Variants in ESRRG observed in about 807,000 individuals in gnomAD.
ESRRG encodes the protein estrogen-related receptor gamma.
ESRRG carries 13 observed loss-of-function variants against 44.0 expected under a neutral mutation model. That is an observed-to-expected ratio of 0.30 (90% CI 0.19 to 0.47). The LOEUF (loss-of-function observed/expected upper bound fraction) is 0.47. Among genes scored for constraint, ESRRG ranks in the 20% least tolerant of loss-of-function variants. The probability of loss-of-function intolerance (pLI) is 1.00; values close to 1 mark genes in which losing one functional copy is unlikely to be tolerated. For missense variants in ESRRG, 395 were observed against 580.6 expected (o/e 0.68, Z 3.29); for synonymous variants, 215 against 214.6 (o/e 1.00, Z -0.02).
intron 2 of ESRRG, among the ~76,000 whole-genome samples, chr1:216,856,352 A>AACACACACACACACACACACACAC (rs5780935): frequency 2.1e-5 from 3 of 141,888 alleles, no homozygotes; most frequent in Non-Finnish European, 1.5e-5. Flanking sequence ...TTCTCTCTTC[A>AACACACACACACACACACACACAC]ACACACACAC....
chr1:216,914,108 C>CT (rs146978478), intron 2 of ESRRG, among the ~76,000 whole-genome samples: 9,363 of 150,990 alleles, frequency 0.062, 296 homozygotes, highest in South Asian at 0.11. Context: ...TCCCCCCATC[C>CT]TTTTTTTTTA....
Position 217,036,890 on chromosome 1 carries a change from G to A in ESRRG, c.-106+52617C>T, listed in dbSNP as rs80276083. Among the ~76,000 whole-genome samples the A allele has an allele frequency of 2.4e-3, 367 of 151,936 alleles. 2 individuals are homozygous for A. The highest frequency in any genetic ancestry group is 6.8e-3 in the Middle Eastern group (2 of 292). ...GGAAACCAGCCAATCAGTCAGCAGCGTGACACTTCCCTCAAGCTGGTACTG... is the reference window on the plus strand; with the variant it reads ...GGAAACCAGCCAATCAGTCAGCAGCATGACACTTCCCTCAAGCTGGTACTG... On this transcript the variant is annotated intron_variant, in intron 1 of 7. Transcript: ENST00000359162.
At chr1:217,070,404 T>C (rs960472190) in intron 1 of ESRRG, among the ~76,000 whole-genome samples, 2 of 151,444 alleles carry the variant, frequency 1.3e-5, no homozygotes, top group African/African-American at 4.9e-5. Flanking sequence ...TTTTTTGAGA[T>C]GGAGTCTCAC....
chr1:216,679,799 G>C (rs2076741218), intron 1 of ESRRG, among the ~76,000 whole-genome samples: 1 of 151,352 alleles, frequency 6.6e-6, no homozygotes, highest in Admixed American at 6.6e-5. Context: ...AAAATTTGCA[G>C]AACTCTTGAT....
At chr1:216,813,635 T>G (rs180726768) in intron 2 of ESRRG, among the ~76,000 whole-genome samples, 5 of 152,332 alleles carry the variant, frequency 3.3e-5, no homozygotes, top group Non-Finnish European at 2.9e-5. Context: ...TTTAAGTCCA[T>G]CTGTGGCTTG....
At chr1:216,901,091 A>G (rs894890879) in intron 2 of ESRRG, among the ~76,000 whole-genome samples, 1 of 152,134 alleles carries the variant, frequency 6.6e-6, no homozygotes, top group African/African-American at 2.4e-5. Flanking sequence ...CTATGTTAAC[A>G]AAACATGATT....
At chr1:216,713,431 C>CT (rs1218552325) in intron 1 of ESRRG, among the ~76,000 whole-genome samples, 2 of 149,326 alleles carry the variant, frequency 1.3e-5, no homozygotes, top group African/African-American at 4.9e-5. Flanking sequence ...GATGCCCTAA[C>CT]TTATTTAACC....
intron 1 of ESRRG, among the ~76,000 whole-genome samples, chr1:217,070,349 A>G (rs771144663): frequency 3.3e-5 from 5 of 152,224 alleles, no homozygotes; most frequent in Non-Finnish European, 7.3e-5. Context: ...CTATATTTGC[A>G]AAAGTACAAC....
At chr1:216,718,432 T>A (rs74141644) in intron 1 of ESRRG, among the ~76,000 whole-genome samples, 2,893 of 151,928 alleles carry the variant, frequency 0.019, 91 homozygotes, top group African/African-American at 0.066. Flanking sequence ...AATAGTATAG[T>A]TCATGTATAT....
At chr1:216,899,475 A>C (rs544612567) in intron 2 of ESRRG, among the ~76,000 whole-genome samples, 5 of 152,186 alleles carry the variant, frequency 3.3e-5, no homozygotes, top group Non-Finnish European at 7.3e-5. Flanking sequence ...GGGCCACTGA[A>C]GATGAGGAAG....
At chr1:217,021,002 C>T (rs1305820706) in intron 1 of ESRRG, among the ~76,000 whole-genome samples, 3 of 151,190 alleles carry the variant, frequency 2.0e-5, no homozygotes, top group African/African-American at 7.3e-5. Flanking sequence ...GGAAACACTA[C>T]CCTTTCATAC....
At chr1:217,051,716 A>T (rs1052079242) in intron 1 of ESRRG, among the ~76,000 whole-genome samples, 2 of 152,184 alleles carry the variant, frequency 1.3e-5, no homozygotes, top group Non-Finnish European at 2.9e-5. Context: ...GAATGGCCAT[A>T]TGCAAAACAA....
intron 2 of ESRRG, chr1:216,939,551 A>T (rs563903845): frequency 6.6e-6 from 1 of 151,996 alleles, no homozygotes; most frequent in South Asian, 2.1e-4. Context: ...AAGAATGTTA[A>T]TATCTCCTAA....
intron 2 of ESRRG, among the ~76,000 whole-genome samples, chr1:216,653,796 C>T (rs1016105548): frequency 2.0e-5 from 3 of 152,000 alleles, no homozygotes; most frequent in Admixed American, 1.3e-4. Context: ...CACTAGAGGA[C>T]AATGGACATT....
At chr1:217,094,390 G>A (rs1397974721), upstream of ESRRG, among the ~76,000 whole-genome samples, 1 of 152,162 alleles carries the variant, frequency 6.6e-6, no homozygotes, top group Non-Finnish European at 1.5e-5. Flanking sequence ...GAAGAACAGA[G>A]GTCTACAGAG....
At chr1:216,819,036 C>T (rs1214222927) in intron 2 of ESRRG, among the ~76,000 whole-genome samples, 1 of 152,102 alleles carries the variant, frequency 6.6e-6, no homozygotes, top group Non-Finnish European at 1.5e-5. Flanking sequence ...GGGTTGATTT[C>T]ATGTCTTTGC....
At chr1:216,661,708 C>A (rs2072479413) in intron 2 of ESRRG, among the ~76,000 whole-genome samples, 1 of 151,090 alleles carries the variant, frequency 6.6e-6, no homozygotes, top group African/African-American at 2.4e-5. Context: ...TACTTCTGTT[C>A]TTGGATGCTA....
chr1:216,647,205 A>G (rs12141843), intron 3 of ESRRG, among the ~76,000 whole-genome samples: 31,928 of 152,068 alleles, frequency 0.21, 4,285 homozygotes, highest in Non-Finnish European at 0.3. Flanking sequence ...AAAAAAATGA[A>G]AAGGGAATGT....
chr1:216,655,324 T>G (rs544595370), intron 2 of ESRRG, among the ~76,000 whole-genome samples: 46 of 152,168 alleles, frequency 3.0e-4, no homozygotes, highest in African/African-American at 1.1e-3. Flanking sequence ...AAACAATACA[T>G]TTTAGTGGGT....
Sources: allele counts gnomAD v4.1 joint callset (sites outside exome capture counted in the v4.1 genomes callset), GRCh38; gene constraint gnomAD v4.1.1; transcripts MANE v1.5; gene names NCBI Gene and HGNC (gene_info 2026-07-23, HGNC 2026-07-21).